Variants in EPHA6 observed in about 807,000 individuals in gnomAD.
The protein encoded by EPHA6 is ephrin type-A receptor 6.
A neutral mutation model predicts 112.0 loss-of-function variants in EPHA6; 50 were observed. The ratio of observed to expected loss-of-function variants is 0.45; its 90% CI spans 0.36 to 0.56. The LOEUF (loss-of-function observed/expected upper bound fraction) is 0.56. Among genes scored for constraint, EPHA6 ranks in the 20% least tolerant of loss-of-function variants. The pLI is 0.00. For synonymous variants in EPHA6, 529 were observed against 490.7 expected (o/e 1.08, Z -1.03); for missense variants, 1,280 against 1,417.4 (o/e 0.90, Z 1.56).
rs542818691 is a variant in EPHA6, at chr3:97,243,545, G to GTGTTT, written c.1271-403_1271-399dup. On this transcript the variant is annotated intron_variant, in intron 4 of 17. Coordinates refer to ENST00000389672, the MANE Select transcript of EPHA6 (RefSeq NM_001080448.3). The stretch of plus-strand genomic sequence containing the variant: ...TGAAGACTGAAAAACTTACAACAAT[G>GTGTTT]TGTTTTGTATATGTATGTTACTATT... Among the ~76,000 whole-genome samples the GTGTTT allele has an allele frequency of 3.5e-4, 53 of 151,784 alleles. No individual in the cohort carries two copies. In the East Asian group the frequency reaches 0.01, roughly 29 times the overall value.
intron 3 of EPHA6, among the ~76,000 whole-genome samples, chr3:97,104,714 A>G (rs1251000285): frequency 6.6e-6 from 1 of 152,120 alleles, no homozygotes; most frequent in African/African-American, 2.4e-5. Context: ...TTCAGTAGGA[A>G]TGGTATCAGC....
At chr3:97,037,681 T>A (rs1004527045) in intron 3 of EPHA6, among the ~76,000 whole-genome samples, 8 of 151,900 alleles carry the variant, frequency 5.3e-5, no homozygotes, top group African/African-American at 1.9e-4. Flanking sequence ...GAGCGGATCA[T>A]AAGAGGAAAG....
At chr3:97,548,544 A>G (rs1352299651) in intron 11 of EPHA6, among the ~76,000 whole-genome samples, 8 of 151,884 alleles carry the variant, frequency 5.3e-5, no homozygotes, top group African/African-American at 1.9e-4. Flanking sequence ...TGATTTTCCT[A>G]TTTCTCTCTT....
At chr3:97,643,370 G>T (rs1234039855) in intron 14 of EPHA6, among the ~76,000 whole-genome samples, 1 of 152,216 alleles carries the variant, frequency 6.6e-6, no homozygotes, top group Admixed American at 6.5e-5. Context: ...AGACTAGGAA[G>T]AAACTGCATC....
intron 1 of EPHA6, among the ~76,000 whole-genome samples, chr3:96,818,921 A>G (rs936624897): frequency 3.2e-4 from 49 of 152,022 alleles, no homozygotes; most frequent in African/African-American, 1.2e-3. Context: ...AACTTAGAAT[A>G]TAATTTTATT....
At chr3:96,927,799 C>T (rs140901771) in intron 2 of EPHA6, among the ~76,000 whole-genome samples, 110 of 152,244 alleles carry the variant, frequency 7.2e-4, no homozygotes, top group African/African-American at 2.5e-3. Flanking sequence ...TGCCCCACTC[C>T]GGGTACCAAT....
At chr3:97,708,103 T>C (rs1172370076) in intron 14 of EPHA6, among the ~76,000 whole-genome samples, 4 of 152,028 alleles carry the variant, frequency 2.6e-5, no homozygotes, top group African/African-American at 9.7e-5. Flanking sequence ...TGGGCAGAGG[T>C]TGGAACATTT....
At chr3:97,193,096 T>C (rs2077350835) in intron 3 of EPHA6, among the ~76,000 whole-genome samples, 1 of 152,160 alleles carries the variant, frequency 6.6e-6, no homozygotes, top group African/African-American at 2.4e-5. Context: ...TTATTCTTTT[T>C]GCTCAGGATA....
At chr3:97,095,958 G>A (rs1287296912) in intron 3 of EPHA6, among the ~76,000 whole-genome samples, 2 of 151,774 alleles carry the variant, frequency 1.3e-5, no homozygotes, top group Non-Finnish European at 2.9e-5. Flanking sequence ...CCACTCTAAT[G>A]CTCAGAACAT....
intron 9 of EPHA6, 130 bp from the exon 10 acceptor site, chr3:97,483,804 G>T: frequency 2.0e-6 from 2 of 984,938 alleles, no homozygotes; most frequent in Non-Finnish European, 2.7e-6. Flanking sequence ...GGGACAGGAA[G>T]AAAAGAGAGA....
chr3:97,726,558 C>T (rs1247470542), intron 15 of EPHA6, among the ~76,000 whole-genome samples: 1 of 152,048 alleles, frequency 6.6e-6, no homozygotes, highest in African/African-American at 2.4e-5. Context: ...TAAAGATTGA[C>T]ATATTTAGCC....
chr3:97,697,297 A>T (rs1380562526), intron 14 of EPHA6, among the ~76,000 whole-genome samples: 1 of 152,204 alleles, frequency 6.6e-6, no homozygotes, highest in African/African-American at 2.4e-5. Flanking sequence ...GGAATAATGT[A>T]GGATAGGTTT....
intron 5 of EPHA6, among the ~76,000 whole-genome samples, chr3:97,269,715 C>T (rs2079818785): frequency 6.6e-6 from 1 of 152,078 alleles, no homozygotes; most frequent in South Asian, 2.1e-4. Flanking sequence ...CATCATATAA[C>T]TTTACGCAAT....
intron 10 of EPHA6, among the ~76,000 whole-genome samples, chr3:97,512,610 GC>G (rs1252994597): frequency 2.0e-5 from 3 of 152,030 alleles, no homozygotes; most frequent in African/African-American, 7.3e-5. Context: ...TGTCACCCAG[GC>G]TAGAATGCAG....
intron 3 of EPHA6, among the ~76,000 whole-genome samples, chr3:97,017,950 A>G (rs774199474): frequency 6.7e-6 from 1 of 149,880 alleles, no homozygotes; most frequent in Non-Finnish European, 1.5e-5. Flanking sequence ...GCTATTTTCT[A>G]GATCCTGTAG....
intron 2 of EPHA6, among the ~76,000 whole-genome samples, chr3:96,906,743 G>C (rs1017472819): frequency 1.3e-5 from 2 of 151,976 alleles, no homozygotes; most frequent in Non-Finnish European, 2.9e-5. Flanking sequence ...TGGGTTAATA[G>C]GTGGAGTTTT....
intron 4 of EPHA6, among the ~76,000 whole-genome samples, chr3:97,243,162 G>A (rs1033135559): frequency 3.3e-5 from 5 of 151,764 alleles, no homozygotes; most frequent in African/African-American, 1.2e-4. Flanking sequence ...AGACTGACTT[G>A]GTTTTCGAGG....
chr3:97,618,567 T>A (rs2107492129), intron 13 of EPHA6, among the ~76,000 whole-genome samples: 1 of 151,700 alleles, frequency 6.6e-6, no homozygotes, highest in South Asian at 2.1e-4. Flanking sequence ...AATAACACAA[T>A]CAGAAATGAT....
chr3:97,114,840 T>G (rs1050043511), intron 3 of EPHA6, among the ~76,000 whole-genome samples: 2 of 152,086 alleles, frequency 1.3e-5, no homozygotes, highest in African/African-American at 4.8e-5. Context: ...ATGATAATTA[T>G]ATGTAAGCTG....
Sources: allele counts gnomAD v4.1 joint callset (sites outside exome capture counted in the v4.1 genomes callset), GRCh38; gene constraint gnomAD v4.1.1; transcripts MANE v1.5; gene names NCBI Gene and HGNC (gene_info 2026-07-23, HGNC 2026-07-21).